Variants in MARCHF1 observed in about 807,000 individuals in gnomAD.
MARCHF1 encodes the protein membrane associated ring-CH-type finger 1.
MARCHF1 carries 40 observed loss-of-function variants against 54.2 expected under a neutral mutation model. That is an observed-to-expected ratio of 0.74 (90% CI 0.57 to 0.96). The LOEUF (loss-of-function observed/expected upper bound fraction) is 0.96, where lower values mean the gene tolerates loss of function less well. Ranked by LOEUF, MARCHF1 falls within the 40% of genes least tolerant of loss-of-function variation. The pLI is 0.00. For missense variants in MARCHF1, 586 were observed against 656.5 expected (o/e 0.89, Z 1.17); for synonymous variants, 236 against 236.3 (o/e 1.00, Z 0.01).
intron 1 of MARCHF1, among the ~76,000 whole-genome samples, chr4:164,351,271 A>G (rs1235831742): frequency 6.7e-6 from 1 of 150,224 alleles, no homozygotes; most frequent in African/African-American, 2.4e-5. Context: ...CAGCTCAAGG[A>G]GGCCTGCCTG....
At chr4:163,843,245 T>A (rs186844807) in intron 4 of MARCHF1, among the ~76,000 whole-genome samples, 334 of 152,314 alleles carry the variant, frequency 2.2e-3, no homozygotes, top group African/African-American at 7.4e-3. Context: ...TGTGCCATAT[T>A]TTCGTTATTC....
chr4:163,649,816 C>T (rs1028509819), intron 5 of MARCHF1, among the ~76,000 whole-genome samples: 8 of 151,552 alleles, frequency 5.3e-5, no homozygotes, highest in African/African-American at 1.9e-4. Flanking sequence ...CTAGTTTCCA[C>T]CTCAAGAAAC....
At chr4:164,250,271 G>A (rs1462207050) in intron 1 of MARCHF1, among the ~76,000 whole-genome samples, 2 of 152,034 alleles carry the variant, frequency 1.3e-5, no homozygotes. Flanking sequence ...AGGCAGGAGA[G>A]ATGGTCAAAG....
chr4:163,872,816 G>T (rs896231362), intron 3 of MARCHF1, among the ~76,000 whole-genome samples: 3 of 151,790 alleles, frequency 2.0e-5, no homozygotes, highest in African/African-American at 7.3e-5. Context: ...AGGCAGAGGC[G>T]GGCGGATCAT....
intron 5 of MARCHF1, among the ~76,000 whole-genome samples, chr4:163,691,901 G>A (rs1744469774): frequency 6.6e-6 from 1 of 152,122 alleles, no homozygotes; most frequent in African/African-American, 2.4e-5. Flanking sequence ...TGGCCTAACA[G>A]GAACTTTCTC....
At chr4:164,319,363 C>A (rs941559019) in intron 1 of MARCHF1, among the ~76,000 whole-genome samples, 5 of 151,970 alleles carry the variant, frequency 3.3e-5, no homozygotes, top group Non-Finnish European at 5.9e-5. Context: ...GTCCTGGAAC[C>A]AATTCCCCAT....
At chr4:163,948,185 T>C (rs1280525162) in intron 3 of MARCHF1, among the ~76,000 whole-genome samples, 1 of 152,102 alleles carries the variant, frequency 6.6e-6, no homozygotes, top group South Asian at 2.1e-4. Flanking sequence ...AAATAACCAA[T>C]ATCCTAAAAT....
At chr4:164,293,023 G>C (rs1174303193) in intron 1 of MARCHF1, among the ~76,000 whole-genome samples, 1 of 151,992 alleles carries the variant, frequency 6.6e-6, no homozygotes, top group Non-Finnish European at 1.5e-5. Context: ...AGTCACGTTG[G>C]TTCATGAAGT....
chr4:164,002,347 G>A (rs1258207898), intron 2 of MARCHF1, among the ~76,000 whole-genome samples: 4 of 151,248 alleles, frequency 2.6e-5, no homozygotes, highest in Admixed American at 6.6e-5. Flanking sequence ...TTTAAAAATC[G>A]ATATAAGTAA....
intron 4 of MARCHF1, among the ~76,000 whole-genome samples, chr4:163,800,176 T>A (rs1359580196): frequency 6.6e-6 from 1 of 151,996 alleles, no homozygotes; most frequent in East Asian, 1.9e-4. Flanking sequence ...TTGGGTACTA[T>A]GATTATACCT....
intron 2 of MARCHF1, among the ~76,000 whole-genome samples, chr4:164,059,646 C>T (rs1754571196): frequency 6.6e-6 from 1 of 152,086 alleles, no homozygotes; most frequent in African/African-American, 2.4e-5. Context: ...TATGGTTATG[C>T]TTTCCAAATA....
chr4:164,092,074 C>T (rs754495425), intron 2 of MARCHF1, among the ~76,000 whole-genome samples: 11 of 152,024 alleles, frequency 7.2e-5, no homozygotes, highest in Admixed American at 5.9e-4. Flanking sequence ...CTCTTCTCAC[C>T]GAGGCTTACT....
chr4:163,639,298 A>C (rs532998841), intron 5 of MARCHF1, among the ~76,000 whole-genome samples: 42 of 152,296 alleles, frequency 2.8e-4, no homozygotes, highest in Non-Finnish European at 5.6e-4. Context: ...CCCTGATACA[A>C]ATAATTACAT....
At chr4:164,306,139 T>A (rs945114645) in intron 1 of MARCHF1, among the ~76,000 whole-genome samples, 5 of 152,130 alleles carry the variant, frequency 3.3e-5, no homozygotes, top group Admixed American at 2.6e-4. Context: ...TAGCTAGGAA[T>A]GTTAATTCCC....
intron 1 of MARCHF1, among the ~76,000 whole-genome samples, chr4:164,136,868 A>C (rs1020657439): frequency 1.2e-4 from 18 of 152,216 alleles, no homozygotes. Context: ...GTAGTATGGA[A>C]GAGAAGAGGG....
intron 1 of MARCHF1, among the ~76,000 whole-genome samples, chr4:164,338,054 G>C (rs1017357101): frequency 6.6e-6 from 1 of 152,008 alleles, no homozygotes; most frequent in African/African-American, 2.4e-5. Flanking sequence ...AATAACTGTA[G>C]GCATAATAAT....
At chr4:163,602,424 G>C (rs1430478719) in intron 7 of MARCHF1, among the ~76,000 whole-genome samples, 2 of 152,004 alleles carry the variant, frequency 1.3e-5, no homozygotes, top group Admixed American at 6.6e-5. Flanking sequence ...TATAAATAGA[G>C]AGCCATTTTA....
At chr4:163,983,815 G>A (rs540406621) in intron 3 of MARCHF1, among the ~76,000 whole-genome samples, 3 of 152,184 alleles carry the variant, frequency 2.0e-5, no homozygotes, top group East Asian at 3.9e-4. Flanking sequence ...CTTTGCTTAA[G>A]TAATGTGAAA....
intron 5 of MARCHF1, among the ~76,000 whole-genome samples, chr4:163,670,603 A>G (rs369881115): frequency 7.0e-6 from 1 of 142,258 alleles, no homozygotes; most frequent in African/African-American, 2.6e-5. Flanking sequence ...TTCTCTCTCT[A>G]TATATTTTTT....
Sources: gnomAD v4.1 joint callset for allele counts (sites outside exome capture counted in the v4.1 genomes callset) on GRCh38, gnomAD v4.1.1 for gene constraint, MANE v1.5 for transcripts, NCBI Gene and HGNC (gene_info 2026-07-23, HGNC 2026-07-21) for gene names.